Variants in MAP3K7 observed in about 807,000 individuals in gnomAD.
The protein encoded by MAP3K7 is mitogen-activated protein kinase kinase kinase 7.
Under a neutral mutation model 84.8 loss-of-function variants are expected in MAP3K7, and 21 were observed. The ratio of observed to expected loss-of-function variants is 0.25; its 90% CI spans 0.18 to 0.36. The LOEUF (loss-of-function observed/expected upper bound fraction) is 0.36, where lower values mean the gene tolerates loss of function less well. MAP3K7 is among the 10% of genes least tolerant of loss of function. The probability of loss-of-function intolerance (pLI) is 1.00; values close to 1 mark genes in which losing one functional copy is unlikely to be tolerated. For synonymous variants in MAP3K7, 241 were observed against 247.7 expected (o/e 0.97, Z 0.25); for missense variants, 503 against 747.7 (o/e 0.67, Z 3.82).
chr6:90,519,409 CTAAAG>C (rs1283446774), intron 14 of MAP3K7, 90 bp from the exon 15 acceptor site: 16 of 782,882 alleles, frequency 2.0e-5, no homozygotes, highest in Admixed American at 2.0e-4. Flanking sequence ...CTTTTTTTCC[CTAAAG>C]TAAATAATAT....
intron 13 of MAP3K7, among the ~76,000 whole-genome samples, chr6:90,528,913 C>A (rs1378011315): frequency 6.6e-6 from 1 of 152,164 alleles, no homozygotes; most frequent in Non-Finnish European, 1.5e-5. Context: ...TACACCATAA[C>A]CAATTTTTAA....
At chr6:90,572,050 C>T (rs764297151) in intron 1 of MAP3K7, among the ~76,000 whole-genome samples, 3 of 151,774 alleles carry the variant, frequency 2.0e-5, no homozygotes, top group Non-Finnish European at 4.4e-5. Flanking sequence ...TACACCCTTT[C>T]ATTCTCAAGT....
chr6:90,576,043 G>A (rs1777064502), intron 1 of MAP3K7, among the ~76,000 whole-genome samples: 1 of 152,012 alleles, frequency 6.6e-6, no homozygotes, highest in Non-Finnish European at 1.5e-5. Context: ...ATGCCACATA[G>A]AACAACGACA....
At chr6:90,551,778 G>C (rs898685041) in intron 8 of MAP3K7, 4 of 275,116 alleles carry the variant, frequency 1.5e-5, no homozygotes, top group Non-Finnish European at 2.8e-5. Flanking sequence ...AACAGGCCCA[G>C]AGACAAACAT....
chr6:90,547,292 C>T lies in MAP3K7; in HGVS notation c.1176G>A (p.Met392Ile). The change falls in exon 11 of 17, where the codon ATG (methionine) becomes ATA (isoleucine). Residue 392 changes from methionine to isoleucine, a missense_variant. By Grantham distance (10) the Met-to-Ile change is conservative. Coordinates refer to ENST00000369329, the MANE Select transcript of MAP3K7 (RefSeq NM_145331.3). ...TSEGKRMSAD[M>I]SEIEARIAAT... is the part of the protein sequence containing the mutation. ...CGGCGATCCTAGCTTCTATTTCAGA[C>T]ATGTCAGCACTCATCCTCTTGCCCT... 1 of 1,613,354 alleles carries T rather than the reference C, an allele frequency of 6.2e-7. No homozygotes were observed. Among genetic ancestry groups the T allele is most frequent in the Non-Finnish European group, 8.5e-7 (1 of 1,179,622 alleles).
intron 1 of MAP3K7, among the ~76,000 whole-genome samples, chr6:90,580,278 A>G (rs1397021972): frequency 3.3e-5 from 5 of 152,204 alleles, no homozygotes; most frequent in African/African-American, 1.2e-4. Flanking sequence ...AAAGTGGCAT[A>G]GATGGCCACT....
chr6:90,534,797 T>A (rs148594387), intron 13 of MAP3K7, among the ~76,000 whole-genome samples: 4 of 152,170 alleles, frequency 2.6e-5, no homozygotes, highest in African/African-American at 9.7e-5. Flanking sequence ...TTCTCATTCC[T>A]AGTCAAACAG....
chr6:90,553,394 C>T lies in MAP3K7; in HGVS notation c.736+64G>A, dbSNP rs111336259. The T allele has an allele frequency of 2.7e-4, 388 of 1,433,666 alleles. 6 individuals carry two copies. The African/African-American group carries it at 3.8e-3, about 14-fold the overall frequency. The allele number at this position is 1,433,666 out of a possible 1,614,324, so 88.8% of individuals were successfully genotyped here. On this transcript the variant is annotated intron_variant, in intron 7 of 16. Transcript: ENST00000369329. ...AAATGATATTCTTTAGGGAAGGGGA[C>T]AGGAGTAGTCTTCCAAGTAGAAAAC...
chr6:90,564,714 G>C (rs1562103117), intron 3 of MAP3K7, among the ~76,000 whole-genome samples: 1 of 152,178 alleles, frequency 6.6e-6, no homozygotes, highest in African/African-American at 2.4e-5. Flanking sequence ...TCTGCACCAA[G>C]TGGACCTAAT....
At chr6:90,559,433 G>A (rs954919105) in intron 5 of MAP3K7, among the ~76,000 whole-genome samples, 1 of 151,800 alleles carries the variant, frequency 6.6e-6, no homozygotes, top group Non-Finnish European at 1.5e-5. Context: ...TGTGTCACAG[G>A]TGCATAAAAG....
intron 1 of MAP3K7, among the ~76,000 whole-genome samples, chr6:90,586,043 T>A (rs1777437163): frequency 6.6e-6 from 1 of 152,214 alleles, no homozygotes; most frequent in Non-Finnish European, 1.5e-5. Flanking sequence ...GGTACTGAAG[T>A]AGAAGTCGAA....
intron 12 of MAP3K7, among the ~76,000 whole-genome samples, chr6:90,540,380 C>T (rs989557554): frequency 6.6e-6 from 1 of 151,836 alleles, no homozygotes; most frequent in Non-Finnish European, 1.5e-5. Context: ...TACTTGAAAT[C>T]AAGCATTATA....
At chr6:90,549,764 A>C (rs915202143) in intron 9 of MAP3K7, among the ~76,000 whole-genome samples, 9 of 152,292 alleles carry the variant, frequency 5.9e-5, no homozygotes, top group Non-Finnish European at 1.3e-4. Context: ...GTAAAACTGG[A>C]ATTTGAGAAT....
intron 16 of MAP3K7, 147 bp from the exon 17 acceptor site, chr6:90,516,828 G>A (rs1313966286): frequency 1.0e-5 from 6 of 591,174 alleles, no homozygotes; most frequent in Admixed American, 3.7e-5. Flanking sequence ...TTATGGGCTG[G>A]GATGGAACTC....
chr6:90,585,587 G>A (rs771753431), intron 1 of MAP3K7, among the ~76,000 whole-genome samples: 1 of 152,236 alleles, frequency 6.6e-6, no homozygotes, highest in Admixed American at 6.5e-5. Flanking sequence ...AAGTTCTAAA[G>A]TGTCTTTAAA....
chr6:90,556,640 CAA>C lies in MAP3K7; in HGVS notation c.483-18_483-17del. 1 of 1,456,918 alleles carries C rather than the reference CAA, an allele frequency of 6.9e-7. No individual in the cohort carries two copies. Among genetic ancestry groups the C allele is most frequent in the African/African-American group, 1.5e-5 (1 of 67,224 alleles). 90.2% of individuals were successfully genotyped at this position (1,456,918 alleles called of 1,614,324 possible). A position where few individuals can be genotyped will look rare whatever the true frequency, so the allele number is the denominator to read the frequency against. On this transcript the variant is annotated splice_polypyrimidine_tract_variant and intron_variant, in intron 5 of 16. Coordinates refer to ENST00000369329, the MANE Select transcript of MAP3K7 (RefSeq NM_145331.3). Reference sequence around the variant, plus strand: ...CAGCAGTAAGCTGTTTAAAAAAAAACAAAAAACATCAAAAGTTACAAGGCCAA... The same window carrying C: ...CAGCAGTAAGCTGTTTAAAAAAAAACAAAACATCAAAAGTTACAAGGCCAA...
chr6:90,517,423 A>G lies in MAP3K7; in HGVS notation c.1641-742T>C, dbSNP rs547820862. 2.0e-5 allele frequency among the ~76,000 whole-genome samples: 3 copies of G among 152,008 alleles called. No individual in the cohort carries two copies. In the East Asian group the frequency reaches 5.8e-4, roughly 29 times the overall value. ...AATAACTAACTAATACTACTTCTGA[A>G]AGTATTTAAAATTGATTAAAACTGT... On this transcript the variant is annotated intron_variant, in intron 16 of 16. Transcript: ENST00000369329.
At position 90,560,182 on chromosome 6, in the gene MAP3K7, T is replaced by C. The variant is rs1055343222; in HGVS notation, c.376A>G (p.Thr126Ala). The C allele has an allele frequency of 1.2e-6, 2 of 1,614,146 alleles. No homozygotes were observed. Among genetic ancestry groups the C allele is most frequent in the Non-Finnish European group, 8.5e-7 (1 of 1,180,030 alleles). Reference protein sequence around the residue: ...LHGAEPLPYYTAAHAMSWCLQ... With the variant: ...LHGAEPLPYYAAAHAMSWCLQ... Reference sequence around the variant, plus strand: ...CACCAACTCATTGCGTGGGCAGCAGTATAATATGGCAATGGTTCAGCACCA... The same window carrying C: ...CACCAACTCATTGCGTGGGCAGCAGCATAATATGGCAATGGTTCAGCACCA... Residue 126 changes from threonine (T) to alanine (A), a missense_variant, in exon 5 of 17, where the codon ACT (threonine) becomes GCT (alanine). Thr to Ala is a moderately conservative substitution (Grantham distance 58, BLOSUM62 0). Transcript: ENST00000369329.
chr6:90,565,763 A>C (rs1776681078), intron 3 of MAP3K7, among the ~76,000 whole-genome samples: 1 of 152,176 alleles, frequency 6.6e-6, no homozygotes, highest in African/African-American at 2.4e-5. Context: ...ACAACAAAAA[A>C]AGAGAGTTTT....
Sources: gnomAD v4.1 joint callset for allele counts (sites outside exome capture counted in the v4.1 genomes callset) on GRCh38, gnomAD v4.1.1 for gene constraint, MANE v1.5 for transcripts, NCBI Gene and HGNC (gene_info 2026-07-23, HGNC 2026-07-21) for gene names.